The following LYRM4 variants were observed in gnomAD, a reference collection of about 807,000 sequenced individuals.
LYRM4 encodes LYR motif-containing protein 4.
Under a neutral mutation model 11.7 loss-of-function variants are expected in LYRM4, and 9 were observed. The ratio of observed to expected loss-of-function variants is 0.77; its 90% CI spans 0.46 to 1.34. The LOEUF is 1.34. LYRM4 is among the 40% of genes most tolerant of loss of function. The pLI, the probability that LYRM4 is intolerant of heterozygous loss-of-function variation, is 0.00. For synonymous variants in LYRM4, 42 were observed against 40.4 expected (o/e 1.04, Z -0.15); for missense variants, 133 against 112.5 (o/e 1.18, Z -0.82).
At chr6:5,056,016 A>G in the LYRM4 span, among the ~76,000 whole-genome samples, 2 of 141,092 alleles carry the variant, frequency 1.4e-5, no homozygotes, top group African/African-American at 5.3e-5. Context: ...TCTTTTTATT[A>G]TTAGAGACAG....
intron 1 of LYRM4, among the ~76,000 whole-genome samples, chr6:5,252,208 G>A (rs937174388): frequency 1.3e-5 from 2 of 152,092 alleles, no homozygotes; most frequent in African/African-American, 4.8e-5. Flanking sequence ...GATTTTGCAG[G>A]CTTATTCACA....
chr6:5,162,822 T>C (rs926582487), intron 2 of LYRM4, among the ~76,000 whole-genome samples: 2 of 152,200 alleles, frequency 1.3e-5, no homozygotes, highest in Non-Finnish European at 2.9e-5. Context: ...TACATACATA[T>C]TCTCTCATTA....
chr6:5,252,007 G>A (rs1312339421), intron 1 of LYRM4, among the ~76,000 whole-genome samples: 1 of 152,158 alleles, frequency 6.6e-6, no homozygotes, highest in African/African-American at 2.4e-5. Context: ...CCTTCATTAA[G>A]ACAGCAATCA....
chr6:5,163,571 G>A (rs943099438), intron 2 of LYRM4, among the ~76,000 whole-genome samples: 1 of 150,574 alleles, frequency 6.6e-6, no homozygotes, highest in Non-Finnish European at 1.5e-5. Flanking sequence ...TTTTGAATGA[G>A]CGTCTCAGTT....
chr6:5,074,050 C>T, the LYRM4 span, among the ~76,000 whole-genome samples: 2 of 152,148 alleles, frequency 1.3e-5, no homozygotes, highest in African/African-American at 2.4e-5. Flanking sequence ...CCTCTATGTA[C>T]ACCACTAAAC....
chr6:5,190,476 A>C (rs1216157357), intron 2 of LYRM4, among the ~76,000 whole-genome samples: 3 of 152,236 alleles, frequency 2.0e-5, no homozygotes, highest in Admixed American at 2.0e-4. Context: ...TATTTAATTA[A>C]AATCATTTCC....
the LYRM4 span, among the ~76,000 whole-genome samples, chr6:5,064,313 TTGTC>T: frequency 6.6e-6 from 1 of 152,346 alleles, no homozygotes; most frequent in Non-Finnish European, 1.5e-5. Flanking sequence ...ATATCTATGT[TTGTC>T]TATTTGTCTT....
chr6:5,042,499 T>C, the LYRM4 span: 4,069 of 152,728 alleles, frequency 0.027, 81 homozygotes, highest in South Asian at 0.092. Flanking sequence ...CAATTTACCT[T>C]TTCTAGGCTA....
the LYRM4 span, among the ~76,000 whole-genome samples, chr6:5,096,804 T>A: frequency 1.1e-4 from 17 of 152,322 alleles, 1 homozygote; most frequent in East Asian, 3.3e-3. Context: ...CTTTCTCTTT[T>A]CCCTCTGGCC....
chr6:5,120,562 G>C (rs942905469), intron 2 of LYRM4, among the ~76,000 whole-genome samples: 2 of 152,204 alleles, frequency 1.3e-5, no homozygotes, highest in Admixed American at 1.3e-4. Flanking sequence ...GGACGCCAGT[G>C]GGTTGCTGCT....
At chr6:5,158,472 CG>C (rs1238916475) in intron 2 of LYRM4, among the ~76,000 whole-genome samples, 8 of 131,676 alleles carry the variant, frequency 6.1e-5, no homozygotes, top group East Asian at 2.6e-4. Context: ...CTGGTCTCCA[CG>C]TTTTTTTTTT....
At chr6:5,058,727 T>C in the LYRM4 span, among the ~76,000 whole-genome samples, 1 of 152,182 alleles carries the variant, frequency 6.6e-6, no homozygotes, top group Non-Finnish European at 1.5e-5. Flanking sequence ...GTTTTAGCCA[T>C]GCTTGATTCG....
chr6:5,041,677 T>C, the LYRM4 span, among the ~76,000 whole-genome samples: 2 of 152,228 alleles, frequency 1.3e-5, no homozygotes, highest in Admixed American at 6.5e-5. Flanking sequence ...TGGGTTTTTT[T>C]CCCATTCCAG....
At chr6:5,243,015 C>T (rs1319529797) in intron 1 of LYRM4, among the ~76,000 whole-genome samples, 1 of 151,740 alleles carries the variant, frequency 6.6e-6, no homozygotes, top group African/African-American at 2.4e-5. Context: ...CCTCATGATC[C>T]ACCCGCCTCG....
chr6:5,114,715 T>A (rs1763042159), intron 2 of LYRM4, among the ~76,000 whole-genome samples: 1 of 147,328 alleles, frequency 6.8e-6, no homozygotes, highest in Admixed American at 6.8e-5. Context: ...TAAAATACAC[T>A]AACACTAACG....
intron 2 of LYRM4, among the ~76,000 whole-genome samples, chr6:5,124,714 C>A (rs548363767): frequency 3.3e-5 from 5 of 152,328 alleles, no homozygotes; most frequent in African/African-American, 7.2e-5. Flanking sequence ...CCCTGACCCA[C>A]CTCCCTGCCC....
the LYRM4 span, among the ~76,000 whole-genome samples, chr6:5,064,802 G>A: frequency 4.7e-4 from 72 of 152,250 alleles, 1 homozygote; most frequent in African/African-American, 1.7e-3. Context: ...CAAATCAGGG[G>A]AATTAAGCAT....
At chr6:5,131,506 C>G (rs1273753968) in intron 2 of LYRM4, among the ~76,000 whole-genome samples, 3 of 152,192 alleles carry the variant, frequency 2.0e-5, no homozygotes, top group Non-Finnish European at 4.4e-5. Context: ...TTGAGACCAA[C>G]TTGGCCAACA....
chr6:5,235,195 T>G (rs761021773), intron 1 of LYRM4, among the ~76,000 whole-genome samples: 4 of 152,146 alleles, frequency 2.6e-5, no homozygotes, highest in Non-Finnish European at 5.9e-5. Flanking sequence ...CAGGCTGGAG[T>G]GCAGTAGCAT....
Sources: gnomAD v4.1 joint callset for allele counts (sites outside exome capture counted in the v4.1 genomes callset) on GRCh38, gnomAD v4.1.1 for gene constraint, MANE v1.5 for transcripts, NCBI Gene and HGNC (gene_info 2026-07-23, HGNC 2026-07-21) for gene names.